Variants in HS3ST5 observed in about 807,000 individuals in gnomAD.
The protein encoded by HS3ST5 is heparan sulfate glucosamine 3-O-sulfotransferase 5.
HS3ST5 carries 10 observed loss-of-function variants against 25.4 expected under a neutral mutation model. The ratio of observed to expected loss-of-function variants is 0.39; its 90% CI spans 0.24 to 0.67. The LOEUF is 0.67. Ranked by LOEUF, HS3ST5 falls within the 30% of genes least tolerant of loss-of-function variation. HS3ST5 has a pLI of 0.44. For missense variants in HS3ST5, 324 were observed against 420.7 expected (o/e 0.77, Z 2.01); for synonymous variants, 170 against 162.4 (o/e 1.05, Z -0.36).
chr6:114,092,679 G>T (rs1456656086), intron 3 of HS3ST5, among the ~76,000 whole-genome samples: 24 of 125,096 alleles, frequency 1.9e-4, no homozygotes, highest in Admixed American at 5.5e-4. Context: ...TATTTATTTT[G>T]TTTTTTTTTT....
chr6:114,116,944 G>GA (rs1776559820), intron 3 of HS3ST5, among the ~76,000 whole-genome samples: 1 of 151,940 alleles, frequency 6.6e-6, no homozygotes, highest in Non-Finnish European at 1.5e-5. Context: ...GGTAGTAACT[G>GA]AATAATGAAT....
intron 2 of HS3ST5, among the ~76,000 whole-genome samples, chr6:114,216,872 G>A (rs971499361): frequency 2.1e-4 from 32 of 152,134 alleles, no homozygotes; most frequent in African/African-American, 5.8e-4. Context: ...TCTCAGGGTA[G>A]GCAAGGATGG....
At chr6:114,333,183 GAT>G (rs1776472761) in intron 1 of HS3ST5, among the ~76,000 whole-genome samples, 2 of 152,192 alleles carry the variant, frequency 1.3e-5, no homozygotes, top group South Asian at 4.1e-4. Flanking sequence ...GGGCTGGTGA[GAT>G]AGGTAGTGTT....
Position 114,177,499 on chromosome 6 carries a change from A to G in HS3ST5, c.-144-9037T>C, listed in dbSNP as rs540039206. Among the ~76,000 whole-genome samples the G allele has an allele frequency of 2.6e-4, 40 of 152,344 alleles. 1 individual carries two copies. The South Asian group carries it at 7.9e-3, about 30-fold the overall frequency. ...CTGTGGTAGTGTGGCTAAGGTTAGCAATATCCAACTCTCAGAAGGCAATAA... is the reference window on the plus strand; with the variant it reads ...CTGTGGTAGTGTGGCTAAGGTTAGCGATATCCAACTCTCAGAAGGCAATAA... On this transcript the variant is annotated intron_variant, in intron 2 of 4. Transcript: ENST00000312719.
intron 1 of HS3ST5, among the ~76,000 whole-genome samples, chr6:114,323,604 T>G (rs534268503): frequency 6.6e-6 from 1 of 152,152 alleles, no homozygotes; most frequent in African/African-American, 2.4e-5. Context: ...AAGTATAATG[T>G]GGAGGCTACC....
intron 3 of HS3ST5, among the ~76,000 whole-genome samples, chr6:114,088,327 A>AT (rs1335270189): frequency 1.3e-5 from 2 of 150,412 alleles, no homozygotes; most frequent in Admixed American, 1.3e-4. Context: ...CATGGCCAGT[A>AT]TTTTTTCAGA....
chr6:114,299,540 C>T (rs1451486031), intron 1 of HS3ST5, among the ~76,000 whole-genome samples: 1 of 152,130 alleles, frequency 6.6e-6, no homozygotes, highest in Non-Finnish European at 1.5e-5. Flanking sequence ...ACGGAACCTA[C>T]CGACATGTGA....
intron 3 of HS3ST5, among the ~76,000 whole-genome samples, chr6:114,105,543 C>T (rs1011354728): frequency 2.6e-5 from 4 of 152,064 alleles, no homozygotes; most frequent in East Asian, 3.9e-4. Context: ...TTTATTTGAT[C>T]GGGAAATGTA....
intron 1 of HS3ST5, among the ~76,000 whole-genome samples, chr6:114,312,497 A>G (rs2114849196): frequency 6.6e-6 from 1 of 152,258 alleles, no homozygotes; most frequent in East Asian, 1.9e-4. Flanking sequence ...ATCAGAAATA[A>G]TAAATTAAAA....
At chr6:114,239,857 G>A (rs531468884) in intron 1 of HS3ST5, among the ~76,000 whole-genome samples, 7 of 152,128 alleles carry the variant, frequency 4.6e-5, no homozygotes, top group Non-Finnish European at 7.4e-5. Flanking sequence ...GAACATTCAT[G>A]CATTTGTTCA....
chr6:114,232,792 A>G (rs1771660686), intron 1 of HS3ST5, among the ~76,000 whole-genome samples: 4 of 152,138 alleles, frequency 2.6e-5, no homozygotes, highest in Admixed American at 6.5e-5. Flanking sequence ...CTACTTCACT[A>G]CTTTTCTCTG....
At chr6:114,131,330 A>C (rs1582634419) in intron 3 of HS3ST5, 1 of 152,342 alleles carries the variant, frequency 6.6e-6, no homozygotes, top group East Asian at 1.9e-4. Context: ...ACAAGGGAGG[A>C]AATGTGGGTT....
chr6:114,273,866 C>G (rs1408193387), intron 1 of HS3ST5, among the ~76,000 whole-genome samples: 1 of 151,888 alleles, frequency 6.6e-6, no homozygotes, highest in East Asian at 1.9e-4. Flanking sequence ...AGAGTCCTCA[C>G]AGCTGTTTAG....
chr6:114,087,820 T>C (rs1348959513), intron 3 of HS3ST5, among the ~76,000 whole-genome samples: 1 of 152,144 alleles, frequency 6.6e-6, no homozygotes, highest in Non-Finnish European at 1.5e-5. Context: ...ATAACATCCT[T>C]ACAATCTGAT....
intron 1 of HS3ST5, among the ~76,000 whole-genome samples, chr6:114,238,453 A>G (rs918701423): frequency 2.0e-5 from 3 of 152,194 alleles, no homozygotes; most frequent in African/African-American, 7.2e-5. Context: ...AGAATAGGAA[A>G]AAAATATTTT....
Position 114,062,817 on chromosome 6 carries a change from C to T in HS3ST5, c.29G>A (p.Arg10Lys). 6.2e-7 allele frequency: 1 copy of T among 1,614,040 alleles called. No homozygotes were observed. The highest frequency in any genetic ancestry group is 8.5e-7 in the Non-Finnish European group (1 of 1,179,934). The change falls in exon 4 of 5, where the codon AGA becomes AAA. Residue 10 changes from arginine to lysine, a missense_variant. By Grantham distance (26) the Arg-to-Lys change is conservative. Around this residue, in one of 2 missense-constraint regions of HS3ST5, gnomAD observed 121 missense variants for 117.3 expected, o/e 1.03. Coordinates refer to ENST00000312719, the MANE Select transcript of HS3ST5 (RefSeq NM_153612.4). Reference protein sequence around the residue: MLFKQQAWLRQKLLVLGSLA... With the variant: MLFKQQAWLKQKLLVLGSLA... Reference sequence around the variant, plus strand: ...GCTTCCCAGCACCAGGAGCTTCTGTCTCAGCCACGCCTGCTGTTTGAATAG... The same window carrying T: ...GCTTCCCAGCACCAGGAGCTTCTGTTTCAGCCACGCCTGCTGTTTGAATAG...
chr6:114,242,516 G>T (rs1054186906), intron 1 of HS3ST5, among the ~76,000 whole-genome samples: 1 of 152,114 alleles, frequency 6.6e-6, no homozygotes, highest in Non-Finnish European at 1.5e-5. Context: ...AGTCAATGCT[G>T]GTAGATTTTA....
At chr6:114,161,534 T>TACATATAC (rs1376966958) in intron 3 of HS3ST5, among the ~76,000 whole-genome samples, 5 of 44,908 alleles carry the variant, frequency 1.1e-4, no homozygotes, top group Non-Finnish European at 2.1e-4. Context: ...TATATATATA[T>TACATATAC]ATATATATAT....
intron 2 of HS3ST5, among the ~76,000 whole-genome samples, chr6:114,176,032 G>C (rs947829803): frequency 6.6e-6 from 1 of 152,080 alleles, no homozygotes; most frequent in Non-Finnish European, 1.5e-5. Flanking sequence ...GCCATTATAT[G>C]AATGGTAACA....
Sources: gnomAD v4.1 joint callset for allele counts (sites outside exome capture counted in the v4.1 genomes callset) on GRCh38, gnomAD v4.1.1 for gene constraint, gnomAD v4.1.1 regional missense constraint, MANE v1.5 for transcripts, NCBI Gene and HGNC (gene_info 2026-07-23, HGNC 2026-07-21) for gene names.